Variants in GPR89B observed in about 807,000 individuals in gnomAD.
The protein encoded by GPR89B is golgi pH regulator B.
Under a neutral mutation model 52.4 loss-of-function variants are expected in GPR89B, and 25 were observed. That is an observed-to-expected ratio of 0.48 (90% CI 0.35 to 0.67). The LOEUF is 0.67. Ranked by LOEUF, GPR89B falls within the 30% of genes least tolerant of loss-of-function variation. GPR89B has a pLI of 0.01. For missense variants in GPR89B, 146 were observed against 450.2 expected (o/e 0.32, Z 6.11); for synonymous variants, 52 against 151.2 (o/e 0.34, Z 4.81).
chr1:147,992,772 C>T lies in GPR89B; in HGVS notation c.1223C>T (p.Thr408Ile), dbSNP rs1659160003. ...IRMSMPLEYR[T>I]IITEVLGELQ... is the part of the protein sequence containing the mutation. ...ATGAGTATGCCTTTAGAATACCGCA[C>T]CATAATCACTGAAGTCCTTGGAGAA... The change falls in exon 14 of 14, where the codon ACC (threonine) becomes ATC (isoleucine). Residue 408 changes from threonine (T) to isoleucine (I), a missense_variant. Transcript: ENST00000314163. 8 of 1,370,962 alleles carry T rather than the reference C, an allele frequency of 5.8e-6. No homozygotes were observed. Among genetic ancestry groups the T allele is most frequent in the South Asian group, 1.2e-5 (1 of 83,970 alleles). 84.9% of individuals were successfully genotyped at this position (1,370,962 alleles called of 1,614,324 possible). A position where few individuals can be genotyped will look rare whatever the true frequency, so the allele number is the denominator to read the frequency against.
At chr1:148,006,088 T>C in the GPR89B span, among the ~76,000 whole-genome samples, 6 of 152,242 alleles carry the variant, frequency 3.9e-5, no homozygotes, top group Admixed American at 6.5e-5. Flanking sequence ...ATCACAGTTA[T>C]AGCTCCTGAC....
chr1:147,989,442 T>A (rs1467572251), intron 12 of GPR89B, among the ~76,000 whole-genome samples: 3 of 150,724 alleles, frequency 2.0e-5, no homozygotes, highest in South Asian at 2.1e-4. Flanking sequence ...TTTTTTTTTT[T>A]AAATTATACT....
chr1:147,990,390 C>T (rs1231037306), intron 12 of GPR89B, among the ~76,000 whole-genome samples: 1 of 152,102 alleles, frequency 6.6e-6, no homozygotes, highest in Admixed American at 6.6e-5. Context: ...TTCTCCCATT[C>T]TGTAGGTTGC....
chr1:148,012,769 G>A, the GPR89B span, among the ~76,000 whole-genome samples: 1 of 151,842 alleles, frequency 6.6e-6, no homozygotes, highest in Admixed American at 6.6e-5. Flanking sequence ...AAAGAGCTAG[G>A]GACATTTTCA....
the GPR89B span, among the ~76,000 whole-genome samples, chr1:148,002,038 C>CCT: frequency 0.034 from 4,419 of 129,970 alleles, 88 homozygotes; most frequent in African/African-American, 0.041. Flanking sequence ...CCAGATGCTG[C>CCT]TTTTTTTTTT....
At chr1:147,962,919 T>A (rs1656714187) in intron 7 of GPR89B, among the ~76,000 whole-genome samples, 5 of 134,410 alleles carry the variant, frequency 3.7e-5, no homozygotes, top group East Asian at 2.2e-4. Flanking sequence ...TTAAAACAGA[T>A]AATAGACTAA....
chr1:147,969,752 C>T lies in GPR89B; in HGVS notation c.817-115C>T. ...TACTGTTATTAGTTTAATATTATTG[C>T]AATGTATGGTTTTTTGACTGAACCT... On this transcript the variant is annotated intron_variant, in intron 9 of 13. Coordinates refer to ENST00000314163, the MANE Select transcript of GPR89B (RefSeq NM_016334.5). The T allele has an allele frequency of 5.4e-6, 8 of 1,478,028 alleles. No homozygotes were observed. The South Asian group carries it at 6.5e-5, about 12-fold the overall frequency. The allele number at this position is 1,478,028 out of a possible 1,614,324, so 91.6% of individuals were successfully genotyped here. A position where few individuals can be genotyped will look rare whatever the true frequency, so the allele number is the denominator to read the frequency against.
intron 7 of GPR89B, among the ~76,000 whole-genome samples, chr1:147,962,883 G>A (rs1413335339): frequency 2.0e-5 from 3 of 148,076 alleles, no homozygotes; most frequent in African/African-American, 7.6e-5. Flanking sequence ...GCAACAGAGC[G>A]AGACTCCGTC....
the GPR89B span, chr1:148,025,857 A>G: frequency 6.8e-6 from 1 of 146,516 alleles, no homozygotes; most frequent in South Asian, 2.3e-4. Context: ...CCAGAAACCA[A>G]CTCTACCAGC....
chr1:147,989,798 A>G (rs1393813257), intron 12 of GPR89B, among the ~76,000 whole-genome samples: 10 of 152,142 alleles, frequency 6.6e-5, no homozygotes, highest in Middle Eastern at 3.2e-3. Flanking sequence ...TCCATGGTGT[A>G]TATGTGCCAC....
In GPR89B at chr1:147,928,727, A is replaced by C. The variant is rs1455548455; in HGVS notation, c.42+149A>C. 3.1e-5 allele frequency: 40 copies of C among 1,280,720 alleles called. No homozygotes were observed. The Admixed American group carries it at 5.5e-4, about 18-fold the overall frequency. 79.3% of individuals were successfully genotyped at this position (1,280,720 alleles called of 1,614,324 possible). On this transcript the variant is annotated intron_variant, in intron 1 of 13. Transcript: ENST00000314163. ...CTCTGGCACACAGAGAGGGTGTGCG[A>C]TTTGCTGCGGCCGGTTCCCTCAGCC...
At chr1:147,958,222 CAT>C (rs1434573942) in intron 7 of GPR89B, among the ~76,000 whole-genome samples, 2 of 152,082 alleles carry the variant, frequency 1.3e-5, no homozygotes, top group African/African-American at 4.8e-5. Flanking sequence ...GTTTATTTTA[CAT>C]GAGTGTATAT....
intron 11 of GPR89B, among the ~76,000 whole-genome samples, chr1:147,988,084 G>A (rs1285747195): frequency 4.6e-5 from 7 of 152,032 alleles, no homozygotes; most frequent in Non-Finnish European, 7.3e-5. Context: ...CGGGCATGGT[G>A]ACTCATGCCT....
At chr1:147,940,089 C>G (rs1654421101) in intron 3 of GPR89B, among the ~76,000 whole-genome samples, 1 of 151,694 alleles carries the variant, frequency 6.6e-6, no homozygotes, top group Admixed American at 6.6e-5. Context: ...TTTTCTGATT[C>G]TCCTGCTTTT....
the GPR89B span, among the ~76,000 whole-genome samples, chr1:147,999,163 A>G: frequency 6.6e-6 from 1 of 151,260 alleles, no homozygotes; most frequent in Middle Eastern, 3.4e-3. Flanking sequence ...CCTTTACAAC[A>G]AACAGCTGCA....
the GPR89B span, among the ~76,000 whole-genome samples, chr1:147,999,080 A>C: frequency 2.0e-5 from 3 of 151,636 alleles, no homozygotes; most frequent in Non-Finnish European, 4.4e-5. Context: ...TTTCGATCAA[A>C]GTTCTCTATT....
At chr1:147,997,332 A>G (rs1172094873), downstream of GPR89B, among the ~76,000 whole-genome samples, 3 of 152,210 alleles carry the variant, frequency 2.0e-5, no homozygotes, top group African/African-American at 7.2e-5. Flanking sequence ...AGAGGGGATT[A>G]GCATGCGAGT....
At chr1:147,969,091 A>G in intron 9 of GPR89B, 128 bp downstream of exon 9, 1 of 679,190 alleles carries the variant, frequency 1.5e-6, no homozygotes, top group Non-Finnish European at 2.5e-6. Context: ...TCAGCCATGA[A>G]GCATTAGGGA....
intron 7 of GPR89B, among the ~76,000 whole-genome samples, chr1:147,954,873 G>A (rs2796969): frequency 1.3e-5 from 2 of 151,878 alleles, no homozygotes; most frequent in African/African-American, 4.8e-5. Context: ...TAATTAACAT[G>A]TCTGTCACCT....
Sources: allele counts gnomAD v4.1 joint callset (sites outside exome capture counted in the v4.1 genomes callset), GRCh38; gene constraint gnomAD v4.1.1; transcripts MANE v1.5; gene names NCBI Gene and HGNC (gene_info 2026-07-23, HGNC 2026-07-21).